Variants in PPARGC1A observed in about 807,000 individuals in gnomAD.
PPARGC1A encodes PPARG coactivator 1 alpha.
A neutral mutation model predicts 88.7 loss-of-function variants in PPARGC1A; 25 were observed. The observed-to-expected ratio is 0.28, with a 90% CI of 0.21 to 0.39. PPARGC1A has a LOEUF of 0.39. Ranked by LOEUF, PPARGC1A falls within the 10% of genes least tolerant of loss-of-function variation. PPARGC1A has a pLI of 1.00. For synonymous variants in PPARGC1A, 363 were observed against 355.6 expected (o/e 1.02, Z -0.24); for missense variants, 880 against 968.7 (o/e 0.91, Z 1.22).
chr4:23,870,989 C>T (rs1213942338), intron 2 of PPARGC1A, among the ~76,000 whole-genome samples: 2 of 149,928 alleles, frequency 1.3e-5, no homozygotes, highest in African/African-American at 4.9e-5. Context: ...GGAGGTCACA[C>T]AGTCCTATTG....
At chr4:24,290,919 AT>A in the PPARGC1A span, among the ~76,000 whole-genome samples, 2 of 152,064 alleles carry the variant, frequency 1.3e-5, no homozygotes, top group African/African-American at 4.8e-5. Flanking sequence ...CAAAATCCTC[AT>A]TTGTATTAAT....
intron 10 of PPARGC1A, among the ~76,000 whole-genome samples, chr4:23,803,116 C>T (rs748871516): frequency 5.3e-5 from 8 of 152,080 alleles, no homozygotes; most frequent in Admixed American, 1.3e-4. Context: ...CAAACTCTGA[C>T]GTCCTCAAAA....
At chr4:24,465,864 C>T in the PPARGC1A span, among the ~76,000 whole-genome samples, 2 of 152,100 alleles carry the variant, frequency 1.3e-5, no homozygotes, top group African/African-American at 4.8e-5. Context: ...TAAATTTCAG[C>T]CTAAATCTCA....
the PPARGC1A span, among the ~76,000 whole-genome samples, chr4:24,141,691 G>T: frequency 6.6e-6 from 1 of 152,196 alleles, no homozygotes; most frequent in Non-Finnish European, 1.5e-5. Flanking sequence ...GCTGGTGAAG[G>T]AATGTTGCTT....
intron 7 of PPARGC1A, chr4:23,820,638 C>G (rs1288598166): frequency 2.3e-6 from 1 of 439,154 alleles, no homozygotes; most frequent in African/African-American, 2.0e-5. Flanking sequence ...AGTTTTTACA[C>G]CTGTAAAAGA....
At chr4:23,946,868 T>A in the PPARGC1A span, among the ~76,000 whole-genome samples, 1 of 151,838 alleles carries the variant, frequency 6.6e-6, no homozygotes, top group Non-Finnish European at 1.5e-5. Flanking sequence ...CCATTGTCAT[T>A]AACTGCTACA....
the PPARGC1A span, among the ~76,000 whole-genome samples, chr4:23,910,267 T>C: frequency 1.3e-5 from 1 of 78,690 alleles, no homozygotes; most frequent in Non-Finnish European, 2.9e-5. Context: ...TATATATTAA[T>C]ATATATTAAC....
the PPARGC1A span, among the ~76,000 whole-genome samples, chr4:24,157,828 T>G: frequency 6.6e-6 from 1 of 152,102 alleles, no homozygotes; most frequent in Non-Finnish European, 1.5e-5. Context: ...CTGCTTTGAT[T>G]ATTGCCCTCA....
At chr4:24,052,307 A>G in the PPARGC1A span, among the ~76,000 whole-genome samples, 1 of 152,160 alleles carries the variant, frequency 6.6e-6, no homozygotes, top group African/African-American at 2.4e-5. Flanking sequence ...GATGGGGATG[A>G]CATGGCCTCT....
the PPARGC1A span, among the ~76,000 whole-genome samples, chr4:24,281,259 G>A: frequency 6.6e-6 from 1 of 152,298 alleles, no homozygotes; most frequent in East Asian, 1.9e-4. Context: ...CCTGAGGCTG[G>A]GTAAATTATA....
chr4:24,316,892 CT>C, the PPARGC1A span, among the ~76,000 whole-genome samples: 2 of 152,222 alleles, frequency 1.3e-5, no homozygotes, highest in Non-Finnish European at 2.9e-5. Flanking sequence ...GACTACAAAT[CT>C]CCCTACCTTC....
chr4:24,080,801 A>G, the PPARGC1A span, among the ~76,000 whole-genome samples: 8 of 152,256 alleles, frequency 5.3e-5, no homozygotes, highest in Middle Eastern at 3.4e-3. Context: ...CAGCTAGTCA[A>G]TGACAATGCA....
the PPARGC1A span, among the ~76,000 whole-genome samples, chr4:24,395,630 C>T: frequency 3.4e-4 from 52 of 152,304 alleles, no homozygotes; most frequent in South Asian, 1.9e-3. Flanking sequence ...GTTCTTCCAA[C>T]GGACAGAGCA....
At chr4:24,194,821 G>A in the PPARGC1A span, among the ~76,000 whole-genome samples, 1 of 152,296 alleles carries the variant, frequency 6.6e-6, no homozygotes, top group Middle Eastern at 3.4e-3. Flanking sequence ...TTTCCACTGA[G>A]AAGAGACTAA....
At chr4:24,365,922 AATGAAAATTTTAGAACAGCCAG>A in the PPARGC1A span, among the ~76,000 whole-genome samples, 1 of 152,234 alleles carries the variant, frequency 6.6e-6, no homozygotes, top group Non-Finnish European at 1.5e-5. Flanking sequence ...GAGAATATAA[AATGAAAATTTTAGAACAGCCAG>A]ATCACTTAGT....
the PPARGC1A span, among the ~76,000 whole-genome samples, chr4:23,936,851 C>G: frequency 6.6e-6 from 1 of 152,066 alleles, no homozygotes; most frequent in Non-Finnish European, 1.5e-5. Context: ...GCCTTGGTGA[C>G]AGAGTGACTC....
intron 2 of PPARGC1A, among the ~76,000 whole-genome samples, chr4:23,860,912 C>G (rs990277873): frequency 5.9e-5 from 9 of 152,150 alleles, no homozygotes; most frequent in Admixed American, 1.3e-4. Flanking sequence ...TATAAAACCC[C>G]CTTGGGATGA....
the PPARGC1A span, among the ~76,000 whole-genome samples, chr4:23,984,617 G>A: frequency 6.6e-6 from 1 of 152,024 alleles, no homozygotes; most frequent in Non-Finnish European, 1.5e-5. Flanking sequence ...TAGCTGATAA[G>A]GTAAAGCCAG....
At chr4:24,014,916 A>G in the PPARGC1A span, among the ~76,000 whole-genome samples, 1 of 152,164 alleles carries the variant, frequency 6.6e-6, no homozygotes, top group African/African-American at 2.4e-5. Flanking sequence ...TCATATTGAC[A>G]TATTTTGACC....
Sources: allele counts gnomAD v4.1 joint callset (sites outside exome capture counted in the v4.1 genomes callset), GRCh38; gene constraint gnomAD v4.1.1; transcripts MANE v1.5; gene names NCBI Gene and HGNC (gene_info 2026-07-23, HGNC 2026-07-21).